Variants in DOCK3 observed in about 807,000 individuals in gnomAD.
DOCK3 encodes dedicator of cytokinesis 3, also known as dedicator of cytokinesis protein 3.
Under a neutral mutation model 265.6 loss-of-function variants are expected in DOCK3, and 60 were observed. The observed-to-expected ratio is 0.23, with a 90% CI of 0.18 to 0.28. The LOEUF is 0.28. Among genes scored for constraint, DOCK3 ranks in the 10% least tolerant of loss-of-function variants. The probability of loss-of-function intolerance (pLI) is 1.00; values close to 1 mark genes in which losing one functional copy is unlikely to be tolerated. For synonymous variants in DOCK3, 881 were observed against 938.0 expected (o/e 0.94, Z 1.11); for missense variants, 1,981 against 2,594.3 (o/e 0.76, Z 5.14).
intron 4 of DOCK3, among the ~76,000 whole-genome samples, chr3:50,908,451 C>T (rs1439614863): frequency 1.3e-5 from 2 of 152,002 alleles, no homozygotes; most frequent in African/African-American, 4.8e-5. Context: ...TTTCAAAGAA[C>T]TTCTTGATTT....
chr3:50,879,065 G>A, intron 3 of DOCK3, among the ~76,000 whole-genome samples: 1 of 152,152 alleles, frequency 6.6e-6, no homozygotes. Flanking sequence ...ATCCTTTACA[G>A]ACAAGCAAAT....
At chr3:50,769,075 ATT>A (rs11334129) in intron 1 of DOCK3, among the ~76,000 whole-genome samples, 71,824 of 147,182 alleles carry the variant, frequency 0.49, 17,381 homozygotes, top group Middle Eastern at 0.58. Flanking sequence ...TATTAATTGG[ATT>A]TTTTTTTTTT....
chr3:51,041,081 C>A (rs765660242), intron 5 of DOCK3, among the ~76,000 whole-genome samples: 16 of 144,100 alleles, frequency 1.1e-4, no homozygotes, highest in South Asian at 2.3e-4. Flanking sequence ...AATAGTGAAT[C>A]CTTTCTAGAA....
intron 14 of DOCK3, among the ~76,000 whole-genome samples, chr3:51,214,575 A>G (rs1351527356): frequency 2.0e-5 from 3 of 152,226 alleles, no homozygotes; most frequent in Admixed American, 6.5e-5. Flanking sequence ...CTACTATCCT[A>G]TCACATTTCT....
chr3:50,830,426 G>A (rs1360028752), intron 2 of DOCK3, among the ~76,000 whole-genome samples: 1 of 152,124 alleles, frequency 6.6e-6, no homozygotes, highest in African/African-American at 2.4e-5. Context: ...CAGGTATTGG[G>A]TATAAATAAA....
At chr3:50,966,465 C>T (rs2077034536) in intron 5 of DOCK3, among the ~76,000 whole-genome samples, 1 of 140,940 alleles carries the variant, frequency 7.1e-6, no homozygotes, top group South Asian at 2.2e-4. Flanking sequence ...ACAACTTCAT[C>T]AATACTGGTT....
intron 5 of DOCK3, among the ~76,000 whole-genome samples, chr3:51,008,138 G>T (rs1467356442): frequency 1.3e-5 from 2 of 151,916 alleles, no homozygotes; most frequent in Non-Finnish European, 2.9e-5. Context: ...CATTAAAGTA[G>T]TTTTTTTTCC....
intron 9 of DOCK3, among the ~76,000 whole-genome samples, chr3:51,096,681 C>G (rs538617981): frequency 6.6e-6 from 1 of 152,264 alleles, no homozygotes; most frequent in East Asian, 1.9e-4. Context: ...AGTTTTGTTG[C>G]CTTGCTGGTG....
intron 9 of DOCK3, among the ~76,000 whole-genome samples, chr3:51,096,453 G>T (rs923702967): frequency 7.2e-5 from 11 of 151,778 alleles, no homozygotes; most frequent in African/African-American, 2.7e-4. Context: ...ACTTGTGTAT[G>T]CTTCACGAAG....
chr3:50,761,386 A>G (rs145018629), intron 1 of DOCK3, among the ~76,000 whole-genome samples: 81 of 152,286 alleles, frequency 5.3e-4, no homozygotes, highest in African/African-American at 1.9e-3. Flanking sequence ...AAATTTCTAA[A>G]TTGCTAGTAG....
rs1559598705 is a variant in DOCK3 at position 50,756,701 on chromosome 3, T to G, written c.38-21974T>G. Among the ~76,000 whole-genome samples, 4 of 152,248 alleles carry G rather than the reference T, an allele frequency of 2.6e-5. No homozygotes were observed. In the South Asian group the frequency reaches 8.3e-4, roughly 32 times the overall value. On this transcript the variant is annotated intron_variant, in intron 1 of 52. Coordinates refer to ENST00000266037, the MANE Select transcript of DOCK3 (RefSeq NM_004947.5). ...ACCAATAATGCATCCTCTCTTACAC[T>G]TTTGTTGTCAGTCTTTTTGATTCTA...
rs866512495 is a variant in DOCK3 at position 50,869,014 on chromosome 3, G to A, written c.163-21012G>A. ...TTTTGAGGTGGAGTCTCGCTCTGTC[G>A]CCCAGGCTGGAGTGCAGTGGCTTGA... On this transcript the variant is annotated intron_variant, in intron 3 of 52. Coordinates refer to ENST00000266037, the MANE Select transcript of DOCK3 (RefSeq NM_004947.5). Among the ~76,000 whole-genome samples the A allele has an allele frequency of 2.3e-5, 3 of 129,470 alleles. No individual in the cohort carries two copies. In the South Asian group the frequency reaches 7.1e-4, roughly 31 times the overall value. The allele number at this position is 129,470 out of a possible 152,430, so 84.9% of individuals were successfully genotyped here.
intron 22 of DOCK3, among the ~76,000 whole-genome samples, chr3:51,255,618 T>C (rs2079503880): frequency 6.6e-6 from 1 of 152,258 alleles, no homozygotes; most frequent in African/African-American, 2.4e-5. Flanking sequence ...CATTTGATCT[T>C]CAATCACTGA....
chr3:50,901,628 G>A, intron 4 of DOCK3: 1 of 453,926 alleles, frequency 2.2e-6, no homozygotes, highest in Non-Finnish European at 4.4e-6. Flanking sequence ...CTCCTGGTGT[G>A]TGGATTGCGA....
At chr3:51,179,918 A>T (rs2087179472) in intron 12 of DOCK3, among the ~76,000 whole-genome samples, 1 of 151,970 alleles carries the variant, frequency 6.6e-6, no homozygotes, top group Non-Finnish European at 1.5e-5. Flanking sequence ...CTCAAAAAAA[A>T]CAAGGGCCGG....
chr3:50,750,423 C>T lies in DOCK3; in HGVS notation c.38-28252C>T, dbSNP rs138485253. On this transcript the variant is annotated intron_variant, in intron 1 of 52. Coordinates refer to ENST00000266037, the MANE Select transcript of DOCK3 (RefSeq NM_004947.5). ...TTGGCTCACTGCAACCTCCAACTCC[C>T]GGTTCAAGCTATTCTCCTGCCTCAG... 7.5e-3 allele frequency among the ~76,000 whole-genome samples: 1,129 copies of T among 150,792 alleles called. 19 individuals are homozygous for T. Among genetic ancestry groups the T allele is most frequent in the African/African-American group, 0.026 (1,085 of 41,054 alleles).
chr3:50,890,205 GCTTT>G, intron 4 of DOCK3, 124 bp downstream of exon 4: 5 of 642,726 alleles, frequency 7.8e-6, no homozygotes, highest in South Asian at 3.1e-5. Context: ...AAATGTACAT[GCTTT>G]ATCATGTAAT....
intron 5 of DOCK3, among the ~76,000 whole-genome samples, chr3:51,027,816 A>T (rs899302280): frequency 6.6e-6 from 1 of 151,800 alleles, no homozygotes; most frequent in Admixed American, 6.6e-5. Flanking sequence ...CATTGAGCCT[A>T]TGGGTGTCAT....
At chr3:50,767,588 T>C (rs1435818080) in intron 1 of DOCK3, among the ~76,000 whole-genome samples, 1 of 152,144 alleles carries the variant, frequency 6.6e-6, no homozygotes, top group Non-Finnish European at 1.5e-5. Flanking sequence ...CTTAGGATTG[T>C]CTTGGCAATG....
Sources: allele counts gnomAD v4.1 joint callset (sites outside exome capture counted in the v4.1 genomes callset), GRCh38; gene constraint gnomAD v4.1.1; transcripts MANE v1.5; gene names NCBI Gene and HGNC (gene_info 2026-07-23, HGNC 2026-07-21).